The following PGAP1 variants were observed in gnomAD, a reference collection of about 807,000 sequenced individuals.
PGAP1 encodes post-GPI attachment to proteins inositol deacylase 1.
In PGAP1, 76 loss-of-function variants were observed where a neutral mutation model predicts 127.0. The observed-to-expected ratio is 0.60, with a 90% confidence interval of 0.50 to 0.72. PGAP1 has a LOEUF of 0.72. PGAP1 is among the 30% of genes least tolerant of loss of function. The pLI is 0.00. For missense variants in PGAP1, 982 were observed against 1,071.3 expected, an observed-to-expected ratio of 0.92 and a Z score of 1.16; for synonymous variants, 362 against 366.5, an observed-to-expected ratio of 0.99 and a Z score of 0.14.
intron 5 of PGAP1, among the ~76,000 whole-genome samples, chr2:196,898,735 A>G (rs2125824264): frequency 6.6e-6 from 1 of 152,306 alleles, no homozygotes; most frequent in Admixed American, 6.5e-5. Flanking sequence ...ATAAGTTACA[A>G]AAGACATTTT....
intron 5 of PGAP1, 35 bp downstream of exon 5, chr2:196,902,550 A>G: frequency 6.4e-7 from 1 of 1,551,292 alleles, no homozygotes; most frequent in Non-Finnish European, 8.8e-7. Flanking sequence ...GGTCTATTAC[A>G]TTACTATTTC....
intron 10 of PGAP1, among the ~76,000 whole-genome samples, chr2:196,889,014 T>A (rs935831892): frequency 2.0e-5 from 3 of 152,194 alleles, no homozygotes; most frequent in African/African-American, 7.2e-5. Flanking sequence ...TGCCTTTATA[T>A]AAGCTTGAAA....
intron 19 of PGAP1, among the ~76,000 whole-genome samples, chr2:196,865,503 T>C (rs1374468760): frequency 3.3e-5 from 5 of 152,114 alleles, no homozygotes; most frequent in African/African-American, 1.2e-4. Context: ...TAAAACATAA[T>C]AGGCAAGTTA....
chr2:196,858,343 A>T (rs1700955763), intron 20 of PGAP1, among the ~76,000 whole-genome samples: 1 of 151,800 alleles, frequency 6.6e-6, no homozygotes. Context: ...CAGAGCTTGC[A>T]GTTAGCTGAG....
intron 9 of PGAP1, 126 bp from the exon 10 acceptor site, chr2:196,891,037 A>G (rs996012101): frequency 1.4e-5 from 8 of 575,948 alleles, no homozygotes; most frequent in Admixed American, 2.8e-5. Context: ...TTGAGAACCA[A>G]TTCTCTAGGA....
chr2:196,925,774 G>A (rs971178451), intron 1 of PGAP1, among the ~76,000 whole-genome samples: 1 of 152,058 alleles, frequency 6.6e-6, no homozygotes, highest in African/African-American at 2.4e-5. Context: ...CATAAACACA[G>A]GTATGCACAC....
Position 196,893,206 on chromosome 2 carries a change from G to A in PGAP1, c.967C>T (p.His323Tyr). The change falls in exon 8 of 27, where the codon CAC (histidine) becomes TAC (tyrosine). Residue 323 changes from histidine (H) to tyrosine (Y), a missense_variant. His to Tyr is a moderately conservative substitution (Grantham distance 83). Coordinates refer to ENST00000354764, the MANE Select transcript of PGAP1 (RefSeq NM_024989.4). ...TTTGATGGGTGTCTTATAAAGTGGT[G>A]ATACAAAACTGACAGTTTCTTCTTG... ...NSKKKLSVLY[H>Y]HFIRHPSKHF... 6.3e-7 allele frequency: 1 copy of A among 1,598,736 alleles called. No homozygotes were observed.
At chr2:196,889,638 C>G (rs369195174) in intron 10 of PGAP1, among the ~76,000 whole-genome samples, 52 of 151,808 alleles carry the variant, frequency 3.4e-4, no homozygotes, top group African/African-American at 1.0e-3. Context: ...GGGCGGATCA[C>G]GAGGTCAGGA....
Position 196,864,985 on chromosome 2 carries a change from A to C in PGAP1, c.1861+2T>G. ...TAACTTAAAAATTAGAAGCATTCTTACCTGTTGAGAAAAGAGAATATAACT... is the reference window on the plus strand; with the variant it reads ...TAACTTAAAAATTAGAAGCATTCTTCCCTGTTGAGAAAAGAGAATATAACT... On this transcript the variant is annotated splice_donor_variant, in intron 20 of 26. Transcript: ENST00000354764. LOFTEE classifies it high-confidence loss of function. 6.7e-7 allele frequency: 1 copy of C among 1,494,962 alleles called. No homozygotes were observed. The highest frequency in any genetic ancestry group is 9.0e-7 in the Non-Finnish European group (1 of 1,114,184). The allele number at this position is 1,494,962 out of a possible 1,614,324, so 92.6% of individuals were successfully genotyped here. A position where few individuals can be genotyped will look rare whatever the true frequency, so the allele number is the denominator to read the frequency against.
At position 196,865,061 on chromosome 2, in the gene PGAP1, C is replaced by G; in HGVS notation, c.1787G>C (p.Gly596Ala). Residue 596 changes from glycine to alanine, a missense_variant, in exon 20 of 27, where the codon GGA becomes GCA. By Grantham distance (60) the Gly-to-Ala change is moderately conservative. Transcript: ENST00000354764. ...AGATACGACATAAGCAGGAAGAGCT[C>G]CACCATGAAATCTAACTACCTAAAA... Reference protein sequence around the residue: ...ILGQVVRFHGGALPAYVVSNI... With the variant: ...ILGQVVRFHGAALPAYVVSNI... 6.4e-7 allele frequency: 1 copy of G among 1,562,258 alleles called. No individual in the cohort carries two copies. Among genetic ancestry groups the G allele is most frequent in the South Asian group, 1.3e-5 (1 of 79,936 alleles).
chr2:196,842,841 A>C lies in PGAP1; in HGVS notation c.2526-16T>G, dbSNP rs1421229608. ...AAAATAATACCTATAATATTAAAAA[A>C]AGAAACCCACAAATCAACAATGACC... On this transcript the variant is annotated splice_polypyrimidine_tract_variant and intron_variant, in intron 25 of 26. Transcript: ENST00000354764. 1 of 1,250,314 alleles carries C rather than the reference A, an allele frequency of 8.0e-7. No homozygotes were observed. The highest frequency in any genetic ancestry group is 1.4e-5 in the South Asian group (1 of 70,626). 77.5% of individuals were successfully genotyped at this position (1,250,314 alleles called of 1,614,324 possible). A position where few individuals can be genotyped will look rare whatever the true frequency, so the allele number is the denominator to read the frequency against.
intron 5 of PGAP1, among the ~76,000 whole-genome samples, chr2:196,901,736 G>T (rs531784738): frequency 6.6e-6 from 1 of 151,972 alleles, no homozygotes; most frequent in Non-Finnish European, 1.5e-5. Flanking sequence ...AATTAATCAG[G>T]TTCTACTTAT....
In PGAP1 at chr2:196,850,847, A is replaced by G. The variant is rs372174909; in HGVS notation, c.1862-2810T>C. Among the ~76,000 whole-genome samples, 3 of 152,184 alleles carry G rather than the reference A, an allele frequency of 2.0e-5. No individual in the cohort carries two copies. In the East Asian group the frequency reaches 5.8e-4, roughly 29 times the overall value. On this transcript the variant is annotated intron_variant, in intron 20 of 26. Transcript: ENST00000354764. Reference sequence around the variant, plus strand: ...GTCTCTTATTAGAAGTATACATATTATGAACGATTCTTGCAGCAGCAGCAG... The same window carrying G: ...GTCTCTTATTAGAAGTATACATATTGTGAACGATTCTTGCAGCAGCAGCAG...
intron 13 of PGAP1, 47 bp from the exon 14 acceptor site, chr2:196,875,868 C>T: frequency 1.0e-6 from 1 of 981,824 alleles, no homozygotes; most frequent in Non-Finnish European, 1.6e-6. Flanking sequence ...GTTAAATTTA[C>T]AGTAAAGTAT....
chr2:196,915,213 C>G (rs1409150591), intron 3 of PGAP1, among the ~76,000 whole-genome samples: 5 of 152,196 alleles, frequency 3.3e-5, no homozygotes, highest in African/African-American at 4.8e-5. Context: ...TCCTTCTCAT[C>G]TCTCCTCATT....
rs143904806 is a variant in PGAP1 at position 196,847,174 on chromosome 2, T to A, written c.1979A>T (p.Asp660Val). ...ATCTAATTCTGGTAACAATAATACA[T>A]CCCACAATTCTTTAAACCATTTATA... ...LGYKWFKELW[D>V]VLLLPELDAV... is the part of the protein sequence containing the mutation. The change falls in exon 22 of 27, where the codon GAT (aspartate) becomes GTT (valine). Residue 660 changes from aspartate to valine, a missense_variant. By Grantham distance (152) the Asp-to-Val change is radical. Coordinates refer to ENST00000354764, the MANE Select transcript of PGAP1 (RefSeq NM_024989.4). 1 of 1,612,442 alleles carries A rather than the reference T, an allele frequency of 6.2e-7. No individual in the cohort carries two copies. The highest frequency in any genetic ancestry group is 8.5e-7 in the Non-Finnish European group (1 of 1,179,122).
intron 20 of PGAP1, among the ~76,000 whole-genome samples, chr2:196,850,809 T>C (rs548882580): frequency 1.3e-5 from 2 of 151,538 alleles, no homozygotes; most frequent in East Asian, 1.9e-4. Flanking sequence ...AGGAAGGAAA[T>C]TAGGGAGTGA....
intron 1 of PGAP1, among the ~76,000 whole-genome samples, chr2:196,926,095 C>T (rs1334036315): frequency 6.6e-6 from 1 of 151,800 alleles, no homozygotes; most frequent in Admixed American, 6.6e-5. Context: ...GATGGAGCTT[C>T]GGTTTAGGGA....
intron 3 of PGAP1, among the ~76,000 whole-genome samples, chr2:196,915,328 T>C (rs1008828333): frequency 1.1e-4 from 16 of 152,160 alleles, no homozygotes; most frequent in Non-Finnish European, 2.2e-4. Context: ...TTTAAGTATA[T>C]CTACACACTG....
Sources: gnomAD v4.1 joint callset for allele counts (sites outside exome capture counted in the v4.1 genomes callset) on GRCh38, gnomAD v4.1.1 for gene constraint, MANE v1.5 for transcripts, NCBI Gene and HGNC (gene_info 2026-07-23, HGNC 2026-07-21) for gene names.